The following DOCK4 variants were observed in gnomAD, a reference collection of about 807,000 sequenced individuals.
DOCK4 encodes the protein dedicator of cytokinesis protein 4.
DOCK4 carries 97 observed loss-of-function variants against 268.1 expected under a neutral mutation model. The observed-to-expected ratio is 0.36, with a 90% CI of 0.31 to 0.43. The LOEUF is 0.43. DOCK4 is among the 20% of genes least tolerant of loss of function. DOCK4 has a pLI of 1.00. For missense variants in DOCK4, 2,145 were observed against 2,455.7 expected (o/e 0.87, Z 2.67); for synonymous variants, 954 against 887.2 (o/e 1.08, Z -1.34).
chr7:112,005,561 G>C (rs1479090778), intron 1 of DOCK4, among the ~76,000 whole-genome samples: 1 of 152,214 alleles, frequency 6.6e-6, no homozygotes, highest in Non-Finnish European at 1.5e-5. Flanking sequence ...TATATATCTT[G>C]ACAGATTACT....
chr7:111,997,397 CAT>C (rs1454232399), intron 4 of DOCK4, among the ~76,000 whole-genome samples: 1 of 152,156 alleles, frequency 6.6e-6, no homozygotes, highest in African/African-American at 2.4e-5. Context: ...AAGCAGCTCA[CAT>C]ATATAAGACA....
intron 12 of DOCK4, among the ~76,000 whole-genome samples, chr7:111,934,948 C>CA (rs1045481687): frequency 6.9e-6 from 1 of 145,706 alleles, no homozygotes; most frequent in Admixed American, 6.9e-5. Flanking sequence ...TTTTAGCTTG[C>CA]TTTTTTTTTT....
At position 111,788,557 on chromosome 7, in the gene DOCK4, A is replaced by G. The variant is rs1190148783; in HGVS notation, c.3401+105T>C. The G allele has an allele frequency of 6.8e-6, 6 of 882,768 alleles. No individual in the cohort carries two copies. In the East Asian group the frequency reaches 1.6e-4, roughly 23 times the overall value. The allele number at this position is 882,768 out of a possible 1,614,324, so 54.7% of individuals were successfully genotyped here. A position where few individuals can be genotyped will look rare whatever the true frequency, so the allele number is the denominator to read the frequency against. On this transcript the variant is annotated intron_variant, in intron 32 of 52. Transcript: ENST00000428084. ...CACAAAGACAAAGCCCTCCTGTGAGACCTAAGCTGTCTTTGCAGCTCTCAG... is the reference window on the plus strand; with the variant it reads ...CACAAAGACAAAGCCCTCCTGTGAGGCCTAAGCTGTCTTTGCAGCTCTCAG...
intron 1 of DOCK4, among the ~76,000 whole-genome samples, chr7:112,144,757 A>T (rs1815281347): frequency 6.6e-6 from 1 of 152,198 alleles, no homozygotes; most frequent in East Asian, 1.9e-4. Flanking sequence ...GGTATCCTGT[A>T]ACTACACTCT....
At chr7:111,879,591 GT>G (rs1807208593) in intron 16 of DOCK4, among the ~76,000 whole-genome samples, 1 of 152,164 alleles carries the variant, frequency 6.6e-6, no homozygotes, top group African/African-American at 2.4e-5. Flanking sequence ...GGGGAGCAGG[GT>G]AAGTCCCAGG....
In DOCK4 at chr7:111,735,224, T is replaced by A; in HGVS notation, c.5306-57A>T. 3.4e-6 allele frequency: 4 copies of A among 1,165,276 alleles called. No individual in the cohort carries two copies. In the South Asian group the frequency reaches 6.5e-5, roughly 19 times the overall value. 72.2% of individuals were successfully genotyped at this position (1,165,276 alleles called of 1,614,324 possible). On this transcript the variant is annotated intron_variant, in intron 50 of 52. Transcript: ENST00000428084. ...GGTCCAGCTTTGCCCTTCCAATGCT[T>A]GAGATCTTAGAAGAAAGTCAGAATT...
In DOCK4 at chr7:111,762,773, T is replaced by C. The variant is rs1219357892; in HGVS notation, c.4020+2345A>G. ...TTTTGTTTTGTTTTCTTTTTTTTTT[T>C]TTTTTTTTTTTTTGGAGACAGGGTC... On this transcript the variant is annotated intron_variant, in intron 39 of 52. Coordinates refer to ENST00000428084, the MANE Select transcript of DOCK4 (RefSeq NM_001363540.2). Among the ~76,000 whole-genome samples the C allele has an allele frequency of 1.7e-3, 213 of 127,358 alleles. 4 individuals carry two copies. In the Middle Eastern group the frequency reaches 0.021, roughly 12 times the overall value. The allele number at this position is 127,358 out of a possible 152,430, so 83.6% of individuals were successfully genotyped here.
At chr7:112,182,328 G>A (rs1176808698) in intron 1 of DOCK4, among the ~76,000 whole-genome samples, 2 of 152,130 alleles carry the variant, frequency 1.3e-5, no homozygotes, top group African/African-American at 2.4e-5. Flanking sequence ...GATTTATAAT[G>A]TACTTATATG....
Position 111,728,643 on chromosome 7 carries a change from C to T in DOCK4, c.5559G>A (p.Ser1853=), listed in dbSNP as rs1794838342. The change falls in exon 53 of 53, where the codon TCG becomes TCA. Residue 1853 remains serine (S), a synonymous_variant. Transcript: ENST00000428084. The stretch of plus-strand genomic sequence containing the variant: ...AAGAAATCCCACTGCTGTAGCTGCC[C>T]GACAAGACAGGGGAGTTGGAGATGA... ...PGLISNSPVL[S]GSYSSGISSL... 2 of 1,613,838 alleles carry T rather than the reference C, an allele frequency of 1.2e-6. No individual in the cohort carries two copies. The highest frequency in any genetic ancestry group is 1.3e-5 in the African/African-American group (1 of 74,924).
At chr7:112,049,219 T>C (rs1333671657) in intron 1 of DOCK4, among the ~76,000 whole-genome samples, 2 of 152,306 alleles carry the variant, frequency 1.3e-5, no homozygotes, top group East Asian at 1.9e-4. Context: ...TTATAACTTA[T>C]ATAAATACAG....
intron 26 of DOCK4, among the ~76,000 whole-genome samples, chr7:111,830,554 A>G (rs918802673): frequency 4.3e-4 from 66 of 152,160 alleles, no homozygotes; most frequent in African/African-American, 1.3e-3. Flanking sequence ...AAGTGTAAGA[A>G]TCTTAGTCCC....
intron 1 of DOCK4, among the ~76,000 whole-genome samples, chr7:112,122,940 C>T (rs1812875029): frequency 6.6e-6 from 1 of 152,126 alleles, no homozygotes; most frequent in African/African-American, 2.4e-5. Context: ...AGGGAAACTT[C>T]CCCTCTGAAG....
intron 12 of DOCK4, among the ~76,000 whole-genome samples, chr7:111,918,021 T>G (rs1792763975): frequency 6.6e-6 from 1 of 152,212 alleles, no homozygotes; most frequent in South Asian, 2.1e-4. Flanking sequence ...TAGCGTTTTT[T>G]GGTTGGTTTG....
chr7:112,178,361 A>T (rs1818705116), intron 1 of DOCK4, among the ~76,000 whole-genome samples: 1 of 152,178 alleles, frequency 6.6e-6, no homozygotes, highest in South Asian at 2.1e-4. Context: ...CTTTTGCCAT[A>T]AGAGAGGTAA....
chr7:111,870,171 A>G (rs1346664641), intron 20 of DOCK4, among the ~76,000 whole-genome samples: 1 of 152,140 alleles, frequency 6.6e-6, no homozygotes, highest in Non-Finnish European at 1.5e-5. Context: ...GCTTATGTCA[A>G]TATGTGCCTT....
chr7:112,020,236 C>G (rs1802195681), intron 1 of DOCK4, among the ~76,000 whole-genome samples: 2 of 152,126 alleles, frequency 1.3e-5, no homozygotes, highest in South Asian at 2.1e-4. Context: ...TATCCTCATA[C>G]ATGTGTAGAA....
intron 23 of DOCK4, among the ~76,000 whole-genome samples, chr7:111,859,788 C>T (rs960286380): frequency 3.3e-5 from 5 of 151,752 alleles, no homozygotes; most frequent in Admixed American, 6.6e-5. Context: ...GGGATGGTCT[C>T]GATCTTCTGA....
chr7:111,757,719 C>G (rs1016706494), intron 41 of DOCK4, among the ~76,000 whole-genome samples: 1 of 152,110 alleles, frequency 6.6e-6, no homozygotes, highest in Non-Finnish European at 1.5e-5. Context: ...TCGGGGAGTA[C>G]TGGGAACTGA....
At chr7:111,788,593 G>T in intron 32 of DOCK4, 69 bp downstream of exon 32, 2 of 1,300,912 alleles carry the variant, frequency 1.5e-6, no homozygotes, top group East Asian at 2.5e-5. Flanking sequence ...CTACCGTGGT[G>T]CAGAGAGGCT....
Sources: gnomAD v4.1 joint callset for allele counts (sites outside exome capture counted in the v4.1 genomes callset) on GRCh38, gnomAD v4.1.1 for gene constraint, MANE v1.5 for transcripts, NCBI Gene and HGNC (gene_info 2026-07-23, HGNC 2026-07-21) for gene names.